The following SNURF variants were observed in gnomAD, a reference collection of about 807,000 sequenced individuals.
SNURF encodes SNURF protein.
In SNURF, 6 loss-of-function variants were observed where a neutral mutation model predicts 11.6. The observed-to-expected ratio is 0.52, with a 90% CI of 0.28 to 1.02. The LOEUF (loss-of-function observed/expected upper bound fraction) is 1.02. SNURF is among the 50% of genes least tolerant of loss of function. The probability of loss-of-function intolerance (pLI) is 0.09; values close to 1 mark genes in which losing one functional copy is unlikely to be tolerated. For missense variants in SNURF, 84 were observed against 88.4 expected (o/e 0.95, Z 0.20); for synonymous variants, 29 against 31.6 (o/e 0.92, Z 0.27).
intron 6 of SNURF, chr15:24,977,727 A>T: frequency 6.6e-7 from 1 of 1,512,594 alleles, no homozygotes. Flanking sequence ...CTGTGTTTGA[A>T]TAATGTGAAG....
chr15:24,960,387 T>C lies in SNURF; in HGVS notation c.15-1727T>C, dbSNP rs2855524. ...CAGGGTCTGGCTCTGTCACCCAGGC[T>C]GGTGTGCCAGTGGCATGATCTCAGG... On this transcript the variant is annotated intron_variant, in intron 1 of 2. Coordinates refer to ENST00000577949, the Ensembl canonical transcript of SNURF. Among the ~76,000 whole-genome samples, 207 of 152,228 alleles carry C rather than the reference T, an allele frequency of 1.4e-3. 1 individual carries two copies. Among genetic ancestry groups the C allele is most frequent in the African/African-American group, 4.9e-3 (202 of 41,536 alleles).
chr15:24,955,026 T>C (rs879473463), exon 1 of SNURF: 5 of 1,612,844 alleles, frequency 3.1e-6, no homozygotes, highest in Non-Finnish European at 3.4e-6. Flanking sequence ...GACGCATCTG[T>C]CTGAGGAGCG....
downstream of SNURF, among the ~76,000 whole-genome samples, chr15:24,972,334 CATAAG>C (rs961144504): frequency 1.3e-5 from 2 of 151,368 alleles, no homozygotes; most frequent in African/African-American, 4.9e-5. Flanking sequence ...TATAAAGAAT[CATAAG>C]ATAATATTCA....
intron 1 of SNURF, among the ~76,000 whole-genome samples, chr15:24,956,096 C>T (rs187425798): frequency 2.6e-5 from 4 of 152,214 alleles, no homozygotes; most frequent in Admixed American, 6.5e-5. Context: ...CTTGCGTACC[C>T]TTTAGGAACC....
chr15:24,978,069 C>A, downstream of SNURF: 1 of 1,206,928 alleles, frequency 8.3e-7, no homozygotes, highest in Non-Finnish European at 1.2e-6. Context: ...GAGTAATTGT[C>A]ATATAGAAGT....
chr15:24,958,426 G>A (rs1171790396), intron 1 of SNURF, among the ~76,000 whole-genome samples: 1 of 142,046 alleles, frequency 7.0e-6, no homozygotes, highest in Non-Finnish European at 1.5e-5. Context: ...GAAAGCTTGA[G>A]TGAGAATTGT....
At chr15:24,973,409 T>C (rs755816275), downstream of SNURF, among the ~76,000 whole-genome samples, 1 of 152,000 alleles carries the variant, frequency 6.6e-6, no homozygotes, top group Non-Finnish European at 1.5e-5. Flanking sequence ...TATTTTGAGA[T>C]GAAGTTTTGC....
downstream of SNURF, among the ~76,000 whole-genome samples, chr15:24,971,066 A>G (rs186777366): frequency 2.0e-5 from 3 of 151,080 alleles, no homozygotes; most frequent in African/African-American, 7.4e-5. Context: ...ACTATTTGCT[A>G]TGTGTGCTTT....
At chr15:24,967,344 A>G (rs2075786365) in intron 2 of SNURF, 1 of 155,136 alleles carries the variant, frequency 6.4e-6, no homozygotes. Flanking sequence ...CTGACCCTAA[A>G]GAAAGATCTT....
At chr15:24,966,137 C>T (rs1376155266) in intron 2 of SNURF, among the ~76,000 whole-genome samples, 1 of 152,120 alleles carries the variant, frequency 6.6e-6, no homozygotes, top group East Asian at 1.9e-4. Flanking sequence ...AATGCAGACA[C>T]CAACTCCAAG....
downstream of SNURF, among the ~76,000 whole-genome samples, chr15:24,972,805 T>A (rs563427010): frequency 9.9e-5 from 15 of 152,220 alleles, no homozygotes; most frequent in South Asian, 3.1e-3. Flanking sequence ...GCATTAACAA[T>A]TCCGTTCAAC....
chr15:24,977,645 AC>A (rs1182866906), intron 6 of SNURF: 2 of 892,242 alleles, frequency 2.2e-6, no homozygotes, highest in Non-Finnish European at 3.2e-6. Context: ...TCAAAAAAAA[AC>A]ATGGGAATAA....
intron 2 of SNURF, among the ~76,000 whole-genome samples, chr15:24,963,765 G>A (rs1001153052): frequency 2.0e-5 from 3 of 152,104 alleles, no homozygotes; most frequent in South Asian, 2.1e-4. Flanking sequence ...TGAGCTGGAT[G>A]TGGTGGCTCA....
At chr15:24,957,696 TAGC>T (rs1276869212) in intron 1 of SNURF, among the ~76,000 whole-genome samples, 2 of 152,208 alleles carry the variant, frequency 1.3e-5, no homozygotes, top group Non-Finnish European at 2.9e-5. Context: ...GTTTTAAAAA[TAGC>T]AGGAGTCTGG....
chr15:24,955,426 C>T (rs967701526), intron 1 of SNURF, among the ~76,000 whole-genome samples: 19 of 151,576 alleles, frequency 1.3e-4, no homozygotes, highest in Non-Finnish European at 2.6e-4. Flanking sequence ...ATTGCAGTTC[C>T]GTGTGGCGAG....
downstream of SNURF, among the ~76,000 whole-genome samples, chr15:24,968,610 C>T (rs1230351881): frequency 6.6e-6 from 1 of 152,126 alleles, no homozygotes; most frequent in Admixed American, 6.5e-5. Flanking sequence ...TTACAACATA[C>T]TTTCACAGCA....
At chr15:24,959,497 T>C (rs1276668639) in intron 1 of SNURF, among the ~76,000 whole-genome samples, 5 of 152,112 alleles carry the variant, frequency 3.3e-5, no homozygotes, top group African/African-American at 7.2e-5. Context: ...AATAGAATAT[T>C]TTGGTTTGAT....
rs548483676 is a variant in SNURF at position 24,961,159 on chromosome 15, A to T, written c.15-955A>T. On this transcript the variant is annotated intron_variant, in intron 1 of 2. Transcript: ENST00000577949. ...ATAGACCATTGTGTAATCAAAAGTA[A>T]TAAACATTATCAGTGTATAAAATTT... 4.4e-3 allele frequency among the ~76,000 whole-genome samples: 673 copies of T among 152,336 alleles called. 2 individuals carry two copies. Among genetic ancestry groups the T allele is most frequent in the African/African-American group, 0.016 (652 of 41,574 alleles).
At chr15:24,959,836 C>T (rs140243570) in intron 1 of SNURF, among the ~76,000 whole-genome samples, 22 of 152,274 alleles carry the variant, frequency 1.4e-4, no homozygotes, top group African/African-American at 3.1e-4. Context: ...ACTAGGAACA[C>T]GTATAATACG....
Sources: allele counts gnomAD v4.1 joint callset (sites outside exome capture counted in the v4.1 genomes callset), GRCh38; gene constraint gnomAD v4.1.1; transcripts MANE v1.5; gene names NCBI Gene and HGNC (gene_info 2026-07-23, HGNC 2026-07-21).